The following EXOC2 variants were observed in gnomAD, a reference collection of about 807,000 sequenced individuals.
EXOC2 encodes SEC5-like 1.
In EXOC2, 70 loss-of-function variants were observed where a neutral mutation model predicts 131.8. The ratio of observed to expected loss-of-function variants is 0.53; its 90% confidence interval spans 0.44 to 0.65. EXOC2 has a LOEUF of 0.65. EXOC2 is among the 30% of genes least tolerant of loss of function. EXOC2 has a pLI of 0.00. For synonymous variants in EXOC2, 411 were observed against 398.4 expected (o/e 1.03, Z -0.38); for missense variants, 923 against 1,108.6 (o/e 0.83, Z 2.38).
At chr6:661,162 A>T (rs1763409102) in intron 1 of EXOC2, among the ~76,000 whole-genome samples, 1 of 152,234 alleles carries the variant, frequency 6.6e-6, no homozygotes, top group Admixed American at 6.5e-5. Flanking sequence ...TTAAATGACC[A>T]AACCTAATAA....
chr6:497,147 C>G (rs536763843), intron 25 of EXOC2, among the ~76,000 whole-genome samples: 2 of 152,276 alleles, frequency 1.3e-5, no homozygotes, highest in South Asian at 2.1e-4. Context: ...GATAATTTGG[C>G]AGAAGTCTTT....
At chr6:656,988 G>C in intron 1 of EXOC2, 2 of 1,457,700 alleles carry the variant, frequency 1.4e-6, no homozygotes, top group Non-Finnish European at 1.8e-6. Flanking sequence ...GGGGGATTCC[G>C]CGTGCCACAA....
rs1338321133 is a variant in EXOC2 at position 533,053 on chromosome 6, TAA to T, written c.2239-445_2239-444del. On this transcript the variant is annotated intron_variant, in intron 22 of 27. Transcript: ENST00000230449. ...AGTGGAAGGGGAAGAGAGCCCCTTA[TAA>T]AACCATTAGATCCCATTAGAACTTA... Among the ~76,000 whole-genome samples, 7 of 152,202 alleles carry T rather than the reference TAA, an allele frequency of 4.6e-5. No homozygotes were observed. The East Asian group carries it at 1.4e-3, about 29-fold the overall frequency.
chr6:557,942 G>T (rs533002052), intron 17 of EXOC2, among the ~76,000 whole-genome samples: 5 of 151,992 alleles, frequency 3.3e-5, no homozygotes, highest in African/African-American at 1.2e-4. Flanking sequence ...CCGGAGCAGC[G>T]AGACAAGAGC....
intron 1 of EXOC2, chr6:655,998 G>A (rs1045057481): frequency 7.9e-6 from 6 of 755,340 alleles, no homozygotes; most frequent in Non-Finnish European, 1.3e-5. Context: ...CAAAATATAC[G>A]CCCTGCATAA....
chr6:593,870 A>T (rs1039588347), intron 10 of EXOC2, among the ~76,000 whole-genome samples: 3 of 152,240 alleles, frequency 2.0e-5, no homozygotes, highest in Non-Finnish European at 4.4e-5. Context: ...GCAGCCAATC[A>T]GAGGAGAAAC....
intron 6 of EXOC2, among the ~76,000 whole-genome samples, chr6:615,756 G>C (rs1225458028): frequency 2.6e-5 from 4 of 151,428 alleles, no homozygotes; most frequent in Admixed American, 6.6e-5. Context: ...CCAGAAACAG[G>C]GTAAGAAAGG....
intron 10 of EXOC2, among the ~76,000 whole-genome samples, chr6:597,512 C>A (rs183663181): frequency 6.6e-6 from 1 of 152,266 alleles, no homozygotes; most frequent in East Asian, 1.9e-4. Flanking sequence ...AAAGTATGCT[C>A]ACTTAGTGAC....
chr6:582,842 G>C (rs534434601), intron 11 of EXOC2, among the ~76,000 whole-genome samples: 3 of 152,088 alleles, frequency 2.0e-5, no homozygotes, highest in African/African-American at 7.2e-5. Flanking sequence ...ACAAAGGGAG[G>C]CACAGTTAAG....
intron 25 of EXOC2, among the ~76,000 whole-genome samples, chr6:492,636 A>C (rs1307251326): frequency 2.0e-5 from 3 of 152,262 alleles, no homozygotes; most frequent in African/African-American, 7.2e-5. Flanking sequence ...TACATGAAAG[A>C]AGCCAGTCAC....
At chr6:579,375 T>C (rs149483049) in intron 11 of EXOC2, among the ~76,000 whole-genome samples, 51 of 152,324 alleles carry the variant, frequency 3.3e-4, no homozygotes, top group African/African-American at 1.2e-3. Context: ...CAGTTTTCTA[T>C]ATCAGGAAAA....
chr6:529,571 T>G (rs1328606428), intron 23 of EXOC2, among the ~76,000 whole-genome samples: 1 of 152,220 alleles, frequency 6.6e-6, no homozygotes, highest in Non-Finnish European at 1.5e-5. Context: ...AGAGGGGCTG[T>G]GTCATGATTT....
chr6:682,451 T>C lies in EXOC2; in HGVS notation c.-44+10568A>G, dbSNP rs567329348. Among the ~76,000 whole-genome samples the C allele has an allele frequency of 1.3e-3, 194 of 152,160 alleles. 1 individual carries two copies. The highest frequency in any genetic ancestry group is 4.4e-3 in the African/African-American group (182 of 41,506). On this transcript the variant is annotated intron_variant, in intron 1 of 27. Coordinates refer to ENST00000230449, the MANE Select transcript of EXOC2 (RefSeq NM_018303.6). ...TCCTGACCTCGTGATCTGCCCGCCTTGGCCTCTCAAAGTGCTGGGATTACA... is the reference window on the plus strand; with the variant it reads ...TCCTGACCTCGTGATCTGCCCGCCTCGGCCTCTCAAAGTGCTGGGATTACA...
chr6:665,926 A>C (rs1763624820), intron 1 of EXOC2, among the ~76,000 whole-genome samples: 2 of 151,836 alleles, frequency 1.3e-5, no homozygotes, highest in Non-Finnish European at 2.9e-5. Flanking sequence ...AATAACTTAC[A>C]GAAAATAAAA....
chr6:673,225 T>G (rs1297646791), intron 1 of EXOC2, among the ~76,000 whole-genome samples: 1 of 117,168 alleles, frequency 8.5e-6, no homozygotes, highest in Non-Finnish European at 1.6e-5. Flanking sequence ...CACTCCAGCC[T>G]GGGTGACAAA....
intron 22 of EXOC2, among the ~76,000 whole-genome samples, chr6:541,443 G>A (rs535380230): frequency 6.2e-4 from 95 of 152,174 alleles, no homozygotes; most frequent in African/African-American, 2.3e-3. Context: ...GAGAAAGCAA[G>A]GATATAACGA....
Position 497,383 on chromosome 6 carries a change from T to C in EXOC2, c.2543A>G (p.Lys848Arg). 6.2e-7 allele frequency: 1 copy of C among 1,613,892 alleles called. No homozygotes were observed. The highest frequency in any genetic ancestry group is 8.5e-7 in the Non-Finnish European group (1 of 1,179,900). ...TTTTGTTACCTGTAAAGCTCCATTT[T>C]TGCTGAAGGATGAAACACACTGCAT... is the stretch of plus-strand genomic sequence containing the variant. The part of the protein sequence containing the change: ...RLMQCVSSFS[K>R]NGALQARLEI... Residue 848 changes from lysine (K) to arginine (R), a missense_variant, in exon 25 of 28, where the codon AAA (lysine) becomes AGA (arginine). Lys to Arg is a conservative substitution (Grantham distance 26). Transcript: ENST00000230449.
intron 22 of EXOC2, among the ~76,000 whole-genome samples, chr6:538,088 T>G (rs1048131489): frequency 6.6e-6 from 1 of 152,052 alleles, no homozygotes; most frequent in African/African-American, 2.4e-5. Flanking sequence ...AAAGAGGAGT[T>G]GAAAATAAAT....
intron 11 of EXOC2, among the ~76,000 whole-genome samples, chr6:586,911 C>T (rs1320415187): frequency 1.3e-5 from 2 of 152,020 alleles, no homozygotes; most frequent in South Asian, 2.1e-4. Flanking sequence ...TTGTCACATG[C>T]GAAATAGAGC....
Sources: gnomAD v4.1 joint callset for allele counts (sites outside exome capture counted in the v4.1 genomes callset) on GRCh38, gnomAD v4.1.1 for gene constraint, MANE v1.5 for transcripts, NCBI Gene and HGNC (gene_info 2026-07-23, HGNC 2026-07-21) for gene names.